SCFD2: variants seen among roughly 807,000 people sequenced by gnomAD.
SCFD2 encodes sec1 family domain containing 2.
Under a neutral mutation model 58.9 loss-of-function variants are expected in SCFD2, and 54 were observed. That is an observed-to-expected ratio of 0.92 (90% CI 0.74 to 1.15). The LOEUF (loss-of-function observed/expected upper bound fraction) is 1.15, where lower values mean the gene tolerates loss of function less well. Among genes scored for constraint, SCFD2 ranks in the 50% most tolerant of loss-of-function variants. SCFD2 has a pLI of 0.00. For synonymous variants in SCFD2, 321 were observed against 335.9 expected (o/e 0.96, Z 0.49); for missense variants, 805 against 836.6 (o/e 0.96, Z 0.47).
intron 4 of SCFD2, among the ~76,000 whole-genome samples, chr4:53,248,992 C>T (rs1326702997): frequency 3.9e-5 from 6 of 152,168 alleles, no homozygotes; most frequent in African/African-American, 7.2e-5. Context: ...AAGCTTCAGA[C>T]GATCAAACTA....
At chr4:53,121,029 T>A (rs1158063790) in intron 5 of SCFD2, among the ~76,000 whole-genome samples, 5 of 152,210 alleles carry the variant, frequency 3.3e-5, no homozygotes, top group Non-Finnish European at 7.3e-5. Flanking sequence ...ACGTGCCATA[T>A]CCGGTACTTG....
rs142506313 is a variant in SCFD2 at position 52,969,885 on chromosome 4, G to A, written c.1562-49015C>T. On this transcript the variant is annotated intron_variant, in intron 5 of 8. Coordinates refer to ENST00000401642, the MANE Select transcript of SCFD2 (RefSeq NM_152540.4). ...TTATGGAAAACATTAATAGTGTGAG[G>A]CTGAACTGGAAGACAACATGCAAAA... Among the ~76,000 whole-genome samples, 646 of 152,308 alleles carry A rather than the reference G, an allele frequency of 4.2e-3. 7 individuals are homozygous for A. Among genetic ancestry groups the A allele is most frequent in the African/African-American group, 0.015 (608 of 41,552 alleles).
intron 4 of SCFD2, among the ~76,000 whole-genome samples, chr4:53,202,234 C>T (rs1369547714): frequency 1.2e-4 from 18 of 152,096 alleles, no homozygotes; most frequent in African/African-American, 4.3e-4. Context: ...AGTTTCAGCT[C>T]TCTACATATG....
At chr4:53,310,366 G>A (rs1732654446) in intron 3 of SCFD2, among the ~76,000 whole-genome samples, 1 of 152,150 alleles carries the variant, frequency 6.6e-6, no homozygotes, top group South Asian at 2.1e-4. Context: ...CCACTTTGTA[G>A]AGAACTATAG....
intron 1 of SCFD2, among the ~76,000 whole-genome samples, chr4:53,359,228 C>T (rs1198718426): frequency 6.6e-6 from 1 of 152,048 alleles, no homozygotes; most frequent in Non-Finnish European, 1.5e-5. Context: ...TTGATACTGC[C>T]AATTTCACAT....
chr4:53,148,722 A>G (rs878997769), intron 4 of SCFD2, among the ~76,000 whole-genome samples: 2 of 152,200 alleles, frequency 1.3e-5, no homozygotes, highest in Admixed American at 1.3e-4. Context: ...ATAAATGCTC[A>G]AAAAAGGCCA....
intron 3 of SCFD2, among the ~76,000 whole-genome samples, chr4:53,278,880 G>A (rs1731422934): frequency 2.2e-5 from 3 of 138,874 alleles, no homozygotes; most frequent in African/African-American, 2.7e-5. Flanking sequence ...TCACACAGAT[G>A]CTCTAAAAAA....
intron 5 of SCFD2, among the ~76,000 whole-genome samples, chr4:53,060,772 C>T (rs890901539): frequency 1.3e-5 from 2 of 151,976 alleles, no homozygotes; most frequent in Admixed American, 1.3e-4. Context: ...ACTTTGTTAA[C>T]ATGTAATGAG....
intron 4 of SCFD2, among the ~76,000 whole-genome samples, chr4:53,149,239 G>T (rs1726432832): frequency 6.6e-6 from 1 of 152,150 alleles, no homozygotes; most frequent in African/African-American, 2.4e-5. Flanking sequence ...GTGATTCTAG[G>T]GATGGGGAAA....
chr4:53,227,369 G>C (rs1729251671), intron 4 of SCFD2, among the ~76,000 whole-genome samples: 1 of 152,140 alleles, frequency 6.6e-6, no homozygotes, highest in Non-Finnish European at 1.5e-5. Context: ...CTCCTGTGTA[G>C]CCAATGTTCA....
intron 5 of SCFD2, among the ~76,000 whole-genome samples, chr4:52,939,941 G>T (rs773432689): frequency 6.6e-6 from 1 of 152,218 alleles, no homozygotes; most frequent in African/African-American, 2.4e-5. Flanking sequence ...TGAAAACCAA[G>T]AGAAGCTCTG....
intron 5 of SCFD2, among the ~76,000 whole-genome samples, chr4:53,125,625 G>A (rs569339681): frequency 4.6e-5 from 7 of 152,346 alleles, no homozygotes; most frequent in African/African-American, 1.2e-4. Context: ...CATGCCTGAC[G>A]GCAGGGCCCA....
At chr4:53,135,061 G>A (rs1337786987) in intron 5 of SCFD2, among the ~76,000 whole-genome samples, 1 of 151,814 alleles carries the variant, frequency 6.6e-6, no homozygotes, top group South Asian at 2.1e-4. Context: ...AGATTAAAAT[G>A]TAAACAAATG....
chr4:53,213,167 T>A (rs759069989), intron 4 of SCFD2, among the ~76,000 whole-genome samples: 3 of 152,144 alleles, frequency 2.0e-5, no homozygotes, highest in Non-Finnish European at 4.4e-5. Flanking sequence ...CAAAGTTTAA[T>A]GTCTAAAGAA....
At chr4:52,939,420 G>T (rs1341222176) in intron 5 of SCFD2, among the ~76,000 whole-genome samples, 1 of 152,108 alleles carries the variant, frequency 6.6e-6, no homozygotes, top group Non-Finnish European at 1.5e-5. Flanking sequence ...TCTGAATCTT[G>T]TGATTATACT....
At chr4:53,116,142 G>T (rs754144066) in intron 5 of SCFD2, among the ~76,000 whole-genome samples, 1 of 152,152 alleles carries the variant, frequency 6.6e-6, no homozygotes, top group Non-Finnish European at 1.5e-5. Flanking sequence ...AACCAGAATA[G>T]AAATTCCTTT....
intron 5 of SCFD2, among the ~76,000 whole-genome samples, chr4:53,095,366 A>G (rs80279066): frequency 0.013 from 1,912 of 151,894 alleles, 41 homozygotes; most frequent in African/African-American, 0.044. Flanking sequence ...TCTTTTCCTT[A>G]TATCTCACAT....
chr4:52,970,526 G>C (rs570460552), intron 5 of SCFD2, among the ~76,000 whole-genome samples: 91 of 152,188 alleles, frequency 6.0e-4, no homozygotes, highest in Middle Eastern at 3.2e-3. Flanking sequence ...CAGGAAGCTG[G>C]AACTGGGTAA....
intron 4 of SCFD2, among the ~76,000 whole-genome samples, chr4:53,233,985 T>A (rs1729518246): frequency 6.6e-6 from 1 of 152,062 alleles, no homozygotes; most frequent in South Asian, 2.1e-4. Context: ...CCAGTACTCA[T>A]AAAAAAAGTT....
Sources: gnomAD v4.1 joint callset for allele counts (sites outside exome capture counted in the v4.1 genomes callset) on GRCh38, gnomAD v4.1.1 for gene constraint, MANE v1.5 for transcripts, NCBI Gene and HGNC (gene_info 2026-07-23, HGNC 2026-07-21) for gene names.